IDI2: variants seen among roughly 807,000 people sequenced by gnomAD.
IDI2 encodes the protein isopentenyl-diphosphate delta isomerase 2.
A neutral mutation model predicts 14.8 loss-of-function variants in IDI2; 18 were observed. The ratio of observed to expected loss-of-function variants is 1.22; its 90% CI spans 0.84 to 1.80. The LOEUF is 1.80. Ranked by LOEUF, IDI2 falls within the 40% of genes most tolerant of loss-of-function variation. The pLI, the probability that IDI2 is intolerant of heterozygous loss-of-function variation, is 0.00. For synonymous variants in IDI2, 133 were observed against 109.6 expected, an observed-to-expected ratio of 1.21 and a Z score of -1.33; for missense variants, 316 against 283.2, an observed-to-expected ratio of 1.12 and a Z score of -0.83.
chr10:1,020,777 G>A lies in IDI2; in HGVS notation c.356C>T (p.Pro119Leu). Residue 119 changes from proline to leucine, a missense_variant, in exon 4 of 5, where the codon CCT (proline) becomes CTT (leucine). Physicochemically the swap from Pro to Leu is moderately conservative, Grantham distance 98. Coordinates refer to ENST00000277517, the MANE Select transcript of IDI2 (RefSeq NM_033261.3). ...QRRLQAELGI[P>L]GEQISPEDIV... Reference sequence around the variant, plus strand: ...GGATGCTGTGTGTACCTGCTCCCCAGGAATTCCCAGCTCTGCTTGCAGACG... The same window carrying A: ...GGATGCTGTGTGTACCTGCTCCCCAAGAATTCCCAGCTCTGCTTGCAGACG... 6.2e-7 allele frequency: 1 copy of A among 1,611,974 alleles called. No individual in the cohort carries two copies. Among genetic ancestry groups the A allele is most frequent in the East Asian group, 2.2e-5 (1 of 44,860 alleles).
chr10:1,019,952 T>C (rs1832062707), intron 4 of IDI2, 118 bp from the exon 5 acceptor site: 2 of 842,886 alleles, frequency 2.4e-6, no homozygotes, highest in East Asian at 5.1e-5. Context: ...TCTTTGGTAA[T>C]TGATAATTTC....
At chr10:1,024,204 C>T (rs187232373) in intron 2 of IDI2, among the ~76,000 whole-genome samples, 5 of 152,240 alleles carry the variant, frequency 3.3e-5, no homozygotes, top group East Asian at 1.9e-4. Context: ...CTGGCTACAC[C>T]GACCTAACAA....
At chr10:1,022,259 C>CA (rs11384261) in intron 3 of IDI2, among the ~76,000 whole-genome samples, 35,592 of 130,932 alleles carry the variant, frequency 0.27, 4,640 homozygotes, top group South Asian at 0.36. Flanking sequence ...ACTCCATCTC[C>CA]AAAAAAAAAA....
intron 3 of IDI2, among the ~76,000 whole-genome samples, chr10:1,022,115 C>T (rs954015714): frequency 7.2e-5 from 11 of 152,168 alleles, no homozygotes; most frequent in South Asian, 6.3e-4. Context: ...AAACGTTACC[C>T]GGGTGTGGTG....
At chr10:1,022,878 T>C (rs1832136444) in intron 2 of IDI2, 103 bp from the exon 3 acceptor site, 2 of 840,546 alleles carry the variant, frequency 2.4e-6, no homozygotes, top group Non-Finnish European at 3.9e-6. Context: ...AAGCCTGTGA[T>C]TGTGGCACCT....
intron 3 of IDI2, 52 bp downstream of exon 3, chr10:1,022,631 C>T (rs544727069): frequency 7.4e-7 from 1 of 1,355,166 alleles, no homozygotes; most frequent in East Asian, 2.3e-5. Context: ...TTCCTCCGGT[C>T]AAGTCACATG....
In IDI2 at chr10:1,022,749, C is replaced by T. The variant is rs1832133063; in HGVS notation, c.169G>A (p.Val57Ile). 7 of 1,614,124 alleles carry T rather than the reference C, an allele frequency of 4.3e-6. No individual in the cohort carries two copies. Among genetic ancestry groups the T allele is most frequent in the Non-Finnish European group, 5.9e-6 (7 of 1,179,960 alleles). ...ATTCGATTCTTGGTGTTAAACAAGA[C>T]AACGCTGAAGGCTCGGTGCAGCAGC... Reference protein sequence around the residue: ...KGLLHRAFSVVLFNTKNRILI... With the variant: ...KGLLHRAFSVILFNTKNRILI... The change falls in exon 3 of 5, where the codon GTC becomes ATC. Residue 57 changes from valine (V) to isoleucine (I), a missense_variant. By Grantham distance (29) the Val-to-Ile change is conservative. Transcript: ENST00000277517.
chr10:1,021,331 G>A (rs999043671), intron 3 of IDI2, among the ~76,000 whole-genome samples: 1 of 152,256 alleles, frequency 6.6e-6, no homozygotes, highest in African/African-American at 2.4e-5. Context: ...TTTGAGGGTG[G>A]TGATCAGTGA....
chr10:1,021,441 G>A (rs567809885), intron 3 of IDI2, among the ~76,000 whole-genome samples: 33 of 152,332 alleles, frequency 2.2e-4, no homozygotes, highest in African/African-American at 3.8e-4. Flanking sequence ...GCGCTATGAC[G>A]GGAGGTCACA....
chr10:1,023,683 G>A (rs1398292808), intron 2 of IDI2, among the ~76,000 whole-genome samples: 1 of 152,180 alleles, frequency 6.6e-6, no homozygotes, highest in East Asian at 1.9e-4. Context: ...AGTGGGGAGG[G>A]ATGACGAGAG....
intron 4 of IDI2, 80 bp from the exon 5 acceptor site, chr10:1,019,914 A>ATGTG: frequency 9.5e-7 from 1 of 1,052,300 alleles, no homozygotes; most frequent in Non-Finnish European, 1.4e-6. Flanking sequence ...AAATAAACAC[A>ATGTG]TTTGTTTTCC....
intron 4 of IDI2, among the ~76,000 whole-genome samples, chr10:1,020,227 C>CTTT (rs67920739): frequency 2.8e-5 from 4 of 144,402 alleles, no homozygotes; most frequent in African/African-American, 7.6e-5. Flanking sequence ...GAATTTCTTT[C>CTTT]TTTTTTTTTT....
chr10:1,020,804 C>G lies in IDI2; in HGVS notation c.329G>C (p.Arg110Thr), dbSNP rs1832080187. Residue 110 changes from arginine (R) to threonine (T), a missense_variant, in exon 4 of 5, where the codon AGG becomes ACG. By Grantham distance (71) the Arg-to-Thr change is moderately conservative. Transcript: ENST00000277517. ...DAIGVRRAAQ[R>T]RLQAELGIPG... ...AATTCCCAGCTCTGCTTGCAGACGC[C>G]TCTGGGCTGCCCTCCTCACTCCGAT... 6.2e-7 allele frequency: 1 copy of G among 1,613,812 alleles called. No individual in the cohort carries two copies. Among genetic ancestry groups the G allele is most frequent in the African/African-American group, 1.3e-5 (1 of 74,908 alleles).
intron 2 of IDI2, among the ~76,000 whole-genome samples, chr10:1,023,475 CAAAAAAA>C (rs1167849191): frequency 2.6e-5 from 2 of 76,212 alleles, no homozygotes; most frequent in South Asian, 4.2e-4. Context: ...GACTCTGTCT[CAAAAAAA>C]AAAAAAAAAA....
rs1832177915 is a variant in IDI2 at position 1,024,615 on chromosome 10, T to G, written c.109A>C (p.Arg37=). 1 of 1,614,024 alleles carries G rather than the reference T, an allele frequency of 6.2e-7. No homozygotes were observed. Among genetic ancestry groups the G allele is most frequent in the African/African-American group, 1.3e-5 (1 of 74,924 alleles). The change falls in exon 2 of 5, where the codon AGG becomes CGG. Residue 37 remains arginine (R), a synonymous_variant. Coordinates refer to ENST00000277517, the MANE Select transcript of IDI2 (RefSeq NM_033261.3). ...NDKVIGADTK[R]NCHLNENIEK... is the part of the protein sequence containing the mutation. ...ATGTTTTCGTTCAGATGGCAATTCCTCTTGGTGTCGGCACCAATAACCTTA... is the reference window on the plus strand; with the variant it reads ...ATGTTTTCGTTCAGATGGCAATTCCGCTTGGTGTCGGCACCAATAACCTTA...
intron 3 of IDI2, among the ~76,000 whole-genome samples, chr10:1,022,237 T>G (rs1376357665): frequency 4.0e-5 from 6 of 149,728 alleles, no homozygotes; most frequent in Non-Finnish European, 7.4e-5. Context: ...CCAGCCTGGG[T>G]GACTGAGCCA....
At chr10:1,021,578 GC>G (rs1832102001) in intron 3 of IDI2, among the ~76,000 whole-genome samples, 1 of 152,194 alleles carries the variant, frequency 6.6e-6, no homozygotes, top group Admixed American at 6.5e-5. Context: ...ACTCCCACCT[GC>G]CCCTATGTAT....
At chr10:1,020,183 T>C (rs999895597) in intron 4 of IDI2, among the ~76,000 whole-genome samples, 9 of 151,992 alleles carry the variant, frequency 5.9e-5, no homozygotes, top group African/African-American at 2.2e-4. Flanking sequence ...AGGTAACACA[T>C]GCTCACAGGA....
At chr10:1,020,710 T>C (rs1342142863) in intron 4 of IDI2, 57 bp downstream of exon 4, 1 of 1,421,112 alleles carries the variant, frequency 7.0e-7, no homozygotes, top group African/African-American at 1.6e-5. Flanking sequence ...GTTCACCGTC[T>C]GCCCGCTGCC....
Sources: gnomAD v4.1 joint callset for allele counts (sites outside exome capture counted in the v4.1 genomes callset) on GRCh38, gnomAD v4.1.1 for gene constraint, MANE v1.5 for transcripts, NCBI Gene and HGNC (gene_info 2026-07-23, HGNC 2026-07-21) for gene names.